SLC67A1: variants seen among roughly 807,000 people sequenced by gnomAD.
SLC67A1 encodes solute carrier family 67 member A1.
the SLC67A1 span, chr11:2,914,921 G>C: frequency 1.0e-5 from 10 of 985,452 alleles, no homozygotes; most frequent in Non-Finnish European, 1.2e-5. Context: ...GGAGGGACAA[G>C]CTGTGGCGCC....
chr11:2,903,192 G>A, the SLC67A1 span: 1 of 1,488,056 alleles, frequency 6.7e-7, no homozygotes, highest in Non-Finnish European at 8.9e-7. Context: ...AGGGGGTCCT[G>A]CAGTGCTGTC....
the SLC67A1 span, among the ~76,000 whole-genome samples, chr11:2,906,181 C>T: frequency 6.6e-6 from 1 of 152,244 alleles, no homozygotes; most frequent in Non-Finnish European, 1.5e-5. Flanking sequence ...TACCATCTCA[C>T]ACCAGTTAGA....
the SLC67A1 span, chr11:2,903,356 C>T: frequency 6.2e-7 from 1 of 1,612,868 alleles, no homozygotes. Flanking sequence ...ATGCAGGGAG[C>T]TCGGGCTCCC....
chr11:2,918,182 C>A, the SLC67A1 span: 3 of 966,876 alleles, frequency 3.1e-6, no homozygotes, highest in Non-Finnish European at 4.8e-6. Flanking sequence ...CTGGCCTGTG[C>A]CCCACAGGTC....
At chr11:2,912,053 G>A in the SLC67A1 span, among the ~76,000 whole-genome samples, 1 of 152,226 alleles carries the variant, frequency 6.6e-6, no homozygotes, top group Non-Finnish European at 1.5e-5. Context: ...AGGAGATGAT[G>A]AGGCTCCCTC....
chr11:2,916,590 G>A, the SLC67A1 span: 31 of 1,566,446 alleles, frequency 2.0e-5, no homozygotes, highest in South Asian at 1.5e-4. Flanking sequence ...CCTGGGACCC[G>A]CACCCTGTGC....
At chr11:2,907,587 T>C in the SLC67A1 span, among the ~76,000 whole-genome samples, 4 of 152,124 alleles carry the variant, frequency 2.6e-5, no homozygotes, top group East Asian at 7.7e-4. The surrounding 1 kb of genome is among the most constrained non-coding windows in gnomAD (Gnocchi z 6.7). Flanking sequence ...CATTCTGAGG[T>C]TCTGGAGGTT....
the SLC67A1 span, among the ~76,000 whole-genome samples, chr11:2,906,149 G>A: frequency 7.9e-5 from 12 of 152,208 alleles, no homozygotes; most frequent in African/African-American, 1.4e-4. Flanking sequence ...TCAGAGAAAT[G>A]CAAGTCAAAA....
chr11:2,909,564 C>T, the SLC67A1 span: 2 of 1,524,460 alleles, frequency 1.3e-6, no homozygotes, highest in Non-Finnish European at 1.8e-6. Flanking sequence ...TCAGCTCCCC[C>T]GCCCCGTCCC....
chr11:2,909,075 G>C, the SLC67A1 span: 3 of 876,330 alleles, frequency 3.4e-6, no homozygotes, highest in Non-Finnish European at 3.3e-6. Context: ...AGGCGCCCCC[G>C]CCCTCCATCC....
the SLC67A1 span, chr11:2,921,565 C>T: frequency 6.2e-6 from 1 of 161,464 alleles, no homozygotes; most frequent in Non-Finnish European, 1.3e-5. Context: ...CCTGTCCCAC[C>T]GAGCCCATCC....
chr11:2,915,760 G>T, the SLC67A1 span, among the ~76,000 whole-genome samples: 1 of 152,232 alleles, frequency 6.6e-6, no homozygotes, highest in Non-Finnish European at 1.5e-5. Context: ...TTACAGACGA[G>T]CTCAGTAGGA....
the SLC67A1 span, chr11:2,916,739 A>G: frequency 6.2e-7 from 1 of 1,612,128 alleles, no homozygotes; most frequent in Admixed American, 1.7e-5. Flanking sequence ...CTCCACTGCC[A>G]GGTAAGCCCC....
the SLC67A1 span, among the ~76,000 whole-genome samples, chr11:2,901,705 G>A: frequency 6.6e-6 from 1 of 152,288 alleles, no homozygotes; most frequent in East Asian, 1.9e-4. Flanking sequence ...GTGAAATGGG[G>A]AAAAGTGGGC....
the SLC67A1 span, among the ~76,000 whole-genome samples, chr11:2,904,879 T>A: frequency 6.6e-6 from 1 of 152,068 alleles, no homozygotes; most frequent in Non-Finnish European, 1.5e-5. Context: ...GAGGCCAGAA[T>A]GGGACCACAC....
the SLC67A1 span, chr11:2,916,421 GCCCCACCCA>G: frequency 1.9e-5 from 10 of 526,254 alleles, no homozygotes; most frequent in South Asian, 8.6e-5. Flanking sequence ...GATGGTGAGC[GCCCCACCCA>G]TTCCTTCATC....
chr11:2,922,422 G>C, the SLC67A1 span: 2 of 1,607,828 alleles, frequency 1.2e-6, no homozygotes, highest in Admixed American at 1.7e-5. Flanking sequence ...CTCGGCCCCC[G>C]CCTGCCGTCC....
chr11:2,909,581 C>T, the SLC67A1 span: 7 of 1,528,584 alleles, frequency 4.6e-6, no homozygotes, highest in South Asian at 4.8e-5. Context: ...TCCCCAGCCG[C>T]CCAGATGGTC....
the SLC67A1 span, chr11:2,918,200 A>T: frequency 4.8e-6 from 4 of 825,164 alleles, no homozygotes; most frequent in Admixed American, 7.9e-5. Flanking sequence ...GTCCACACAG[A>T]TGTGGTAGAG....
Sources: gnomAD v4.1 joint callset for allele counts (sites outside exome capture counted in the v4.1 genomes callset) on GRCh38, gnomAD v4.1.1 for gene constraint, Gnocchi (gnomAD v3.1) non-coding constraint, MANE v1.5 for transcripts, NCBI Gene and HGNC (gene_info 2026-07-23, HGNC 2026-07-21) for gene names.